KCNN2: variants seen among roughly 807,000 people sequenced by gnomAD.
KCNN2 encodes the protein small conductance calcium-activated potassium channel protein 2.
In KCNN2, 24 loss-of-function variants were observed where a neutral mutation model predicts 55.5. That is an observed-to-expected ratio of 0.43 (90% CI 0.31 to 0.61). The LOEUF (loss-of-function observed/expected upper bound fraction) is 0.61. Among genes scored for constraint, KCNN2 ranks in the 20% least tolerant of loss-of-function variants. The pLI is 0.08. For synonymous variants in KCNN2, 431 were observed against 336.1 expected, an observed-to-expected ratio of 1.28 and a Z score of -3.09; for missense variants, 754 against 853.6, an observed-to-expected ratio of 0.88 and a Z score of 1.45.
At chr5:114,432,799 C>G (rs1001771028) in intron 3 of KCNN2, among the ~76,000 whole-genome samples, 1 of 152,206 alleles carries the variant, frequency 6.6e-6, no homozygotes, top group Admixed American at 6.5e-5. Context: ...CCTGCCGGCC[C>G]GGGCAATGAG....
In KCNN2 at chr5:114,415,188, A is replaced by G. The variant is rs1249197606; in HGVS notation, c.1637+10332A>G. Among the ~76,000 whole-genome samples, 4 of 152,206 alleles carry G rather than the reference A, an allele frequency of 2.6e-5. No individual in the cohort carries two copies. In the East Asian group the frequency reaches 7.7e-4, roughly 29 times the overall value. Reference sequence around the variant, plus strand: ...TTGATGAATACTATTCTGTTGTAAGAATATGCCACAATTTGGTCACTCATT... The same window carrying G: ...TTGATGAATACTATTCTGTTGTAAGGATATGCCACAATTTGGTCACTCATT... On this transcript the variant is annotated intron_variant, in intron 3 of 7. Coordinates refer to ENST00000673685, the MANE Select transcript of KCNN2 (RefSeq NM_021614.4).
rs748092948 is a variant in KCNN2, at chr5:114,496,101, C to T, written c.2295C>T (p.Tyr765=). 6.2e-7 allele frequency: 1 copy of T among 1,614,060 alleles called. No homozygotes were observed. The highest frequency in any genetic ancestry group is 8.5e-7 in the Non-Finnish European group (1 of 1,179,978). ...QMESYDKHVT[Y]NAERSRSSSR... Reference sequence around the variant, plus strand: ...AGAGCTACGACAAGCACGTCACTTACAATGCTGAGCGGTCCCGGTCCTCGT... The same window carrying T: ...AGAGCTACGACAAGCACGTCACTTATAATGCTGAGCGGTCCCGGTCCTCGT... Residue 765 remains tyrosine, a synonymous_variant, in exon 8 of 8, where the codon TAC becomes TAT. Coordinates refer to ENST00000673685, the MANE Select transcript of KCNN2 (RefSeq NM_021614.4).
intron 1 of KCNN2, among the ~76,000 whole-genome samples, chr5:114,148,389 A>G (rs752261792): frequency 6.6e-6 from 1 of 152,142 alleles, no homozygotes; most frequent in African/African-American, 2.4e-5. Context: ...GGAGGGCTCA[A>G]TAATGTTTGC....
intron 5 of KCNN2, chr5:114,486,754 C>T (rs1191991289): frequency 8.5e-6 from 11 of 1,300,376 alleles, no homozygotes; most frequent in Admixed American, 2.4e-5. Flanking sequence ...CTCAACACCC[C>T]TTGATTAAAA....
intron 2 of KCNN2, among the ~76,000 whole-genome samples, chr5:114,251,838 T>C (rs1228633080): frequency 6.6e-6 from 1 of 151,824 alleles, no homozygotes; most frequent in Non-Finnish European, 1.5e-5. Context: ...ATATAGTTTG[T>C]TTGTGGTTTA....
intron 2 of KCNN2, among the ~76,000 whole-genome samples, chr5:114,331,054 C>T (rs937809731): frequency 6.6e-6 from 1 of 152,194 alleles, no homozygotes; most frequent in African/African-American, 2.4e-5. Flanking sequence ...ATTTGTTCTC[C>T]ATCACCGGTT....
intron 1 of KCNN2, among the ~76,000 whole-genome samples, chr5:114,127,987 A>G (rs868137653): frequency 2.6e-5 from 4 of 152,152 alleles, no homozygotes; most frequent in African/African-American, 9.7e-5. Context: ...GTATATCACT[A>G]TAAGCATTTT....
chr5:114,338,983 T>C (rs1479743392), intron 2 of KCNN2, among the ~76,000 whole-genome samples: 1 of 152,216 alleles, frequency 6.6e-6, no homozygotes, highest in Non-Finnish European at 1.5e-5. Flanking sequence ...TCTTTGACCT[T>C]GGGCCATTAA....
intron 1 of KCNN2, among the ~76,000 whole-genome samples, chr5:114,102,336 G>A (rs1273042462): frequency 1.3e-5 from 2 of 149,376 alleles, no homozygotes; most frequent in Non-Finnish European, 3.0e-5. Context: ...CTGGATATTA[G>A]CCCTTTGTCA....
At chr5:114,485,276 CAG>C (rs1176712674) in intron 5 of KCNN2, among the ~76,000 whole-genome samples, 1 of 152,090 alleles carries the variant, frequency 6.6e-6, no homozygotes, top group Non-Finnish European at 1.5e-5. Context: ...CTGGTAAAAT[CAG>C]AGAGAGAGCC....
intron 2 of KCNN2, among the ~76,000 whole-genome samples, chr5:114,388,888 T>A (rs1758364680): frequency 6.6e-6 from 1 of 152,182 alleles, no homozygotes; most frequent in Admixed American, 6.5e-5. Flanking sequence ...TTACAGCCCT[T>A]CTGCATTTGA....
At chr5:114,186,071 G>T (rs1346308412) in intron 1 of KCNN2, among the ~76,000 whole-genome samples, 2 of 152,146 alleles carry the variant, frequency 1.3e-5, no homozygotes, top group African/African-American at 4.8e-5. Context: ...TGATTATTCA[G>T]TTCCTGGCAA....
At chr5:114,340,121 A>G (rs1756990053) in intron 2 of KCNN2, among the ~76,000 whole-genome samples, 1 of 152,334 alleles carries the variant, frequency 6.6e-6, no homozygotes, top group Non-Finnish European at 1.5e-5. Context: ...AAAATAAAGT[A>G]GGAGTCAATT....
chr5:114,310,580 A>T (rs1561565615), intron 2 of KCNN2, among the ~76,000 whole-genome samples: 2 of 152,034 alleles, frequency 1.3e-5, no homozygotes, highest in Admixed American at 6.6e-5. Context: ...CCAAAGGTTA[A>T]TTTTTTTTCA....
In KCNN2 at chr5:114,418,847, TCA is replaced by T. The variant is rs554808880; in HGVS notation, c.1637+13993_1637+13994del. 1.6e-4 allele frequency among the ~76,000 whole-genome samples: 25 copies of T among 152,294 alleles called. 1 individual carries two copies. Among genetic ancestry groups the T allele is most frequent in the South Asian group, 1.0e-3 (5 of 4,818 alleles). On this transcript the variant is annotated intron_variant, in intron 3 of 7. Coordinates refer to ENST00000673685, the MANE Select transcript of KCNN2 (RefSeq NM_021614.4). ...TGGAAATGCACTCTGCAGATGCTGC[TCA>T]CTAAGGTCTGCAGAACTTCTGCTAA...
intron 1 of KCNN2, among the ~76,000 whole-genome samples, chr5:114,124,792 CT>C (rs907314265): frequency 6.6e-6 from 1 of 152,148 alleles, no homozygotes; most frequent in Non-Finnish European, 1.5e-5. Context: ...TCAATGTAAC[CT>C]TTTTTTCCTG....
chr5:114,205,902 A>G (rs1027076906), intron 1 of KCNN2, among the ~76,000 whole-genome samples: 14 of 152,192 alleles, frequency 9.2e-5, no homozygotes, highest in African/African-American at 3.4e-4. Context: ...GACGGCATGA[A>G]AAGGACAGAT....
chr5:114,378,693 A>G (rs936048776), intron 2 of KCNN2, among the ~76,000 whole-genome samples: 6 of 152,158 alleles, frequency 3.9e-5, no homozygotes, highest in Non-Finnish European at 7.4e-5. Context: ...CAGTATGGGC[A>G]GTATGTTTGA....
intron 2 of KCNN2, among the ~76,000 whole-genome samples, chr5:114,302,080 G>T (rs1756177845): frequency 6.6e-6 from 1 of 152,110 alleles, no homozygotes; most frequent in African/African-American, 2.4e-5. Flanking sequence ...CTAAAAACTG[G>T]AAAGTATCTA....
Sources: gnomAD v4.1 joint callset for allele counts (sites outside exome capture counted in the v4.1 genomes callset) on GRCh38, gnomAD v4.1.1 for gene constraint, MANE v1.5 for transcripts, NCBI Gene and HGNC (gene_info 2026-07-23, HGNC 2026-07-21) for gene names.